The following PTPRD variants were observed in gnomAD, a reference collection of about 807,000 sequenced individuals.
PTPRD encodes receptor-type tyrosine-protein phosphatase delta.
In PTPRD, 34 loss-of-function variants were observed where a neutral mutation model predicts 214.5. That is an observed-to-expected ratio of 0.16 (90% CI 0.12 to 0.21). The LOEUF is 0.21. Among genes scored for constraint, PTPRD ranks in the 10% least tolerant of loss-of-function variants. PTPRD has a pLI of 1.00. For synonymous variants in PTPRD, 1,128 were observed against 845.7 expected, an observed-to-expected ratio of 1.33 and a Z score of -5.79; for missense variants, 2,545 against 2,398.7, an observed-to-expected ratio of 1.06 and a Z score of -1.27.
chr9:8,681,731 A>G (rs867676142), intron 12 of PTPRD, among the ~76,000 whole-genome samples: 4 of 152,334 alleles, frequency 2.6e-5, no homozygotes, highest in Middle Eastern at 3.4e-3. Flanking sequence ...TTTAAAGATG[A>G]CCTGAAAATT....
At chr9:10,407,362 A>C (rs2098380638) in intron 2 of PTPRD, among the ~76,000 whole-genome samples, 1 of 151,484 alleles carries the variant, frequency 6.6e-6, no homozygotes, top group African/African-American at 2.4e-5. Flanking sequence ...CTTTGCGAGA[A>C]TATCCTCGTT....
At chr9:9,395,126 CTCATCCAT>C (rs1221843846) in intron 9 of PTPRD, among the ~76,000 whole-genome samples, 1 of 151,638 alleles carries the variant, frequency 6.6e-6, no homozygotes, top group Non-Finnish European at 1.5e-5. Flanking sequence ...CCTTCCTCCC[CTCATCCAT>C]AGAGAGAAGA....
intron 8 of PTPRD, among the ~76,000 whole-genome samples, chr9:9,511,752 G>C (rs2096714527): frequency 6.6e-6 from 1 of 151,532 alleles, no homozygotes; most frequent in African/African-American, 2.4e-5. Context: ...TTATACTTTA[G>C]ATAATTGTAT....
At chr9:9,234,341 T>C (rs113926526) in intron 9 of PTPRD, among the ~76,000 whole-genome samples, 3,368 of 152,102 alleles carry the variant, frequency 0.022, 128 homozygotes, top group African/African-American at 0.078. Context: ...ATGCATAGAG[T>C]GGGCGGGCCC....
At chr9:9,149,075 G>C (rs1359330291) in intron 10 of PTPRD, among the ~76,000 whole-genome samples, 1 of 152,194 alleles carries the variant, frequency 6.6e-6, no homozygotes, top group Non-Finnish European at 1.5e-5. Flanking sequence ...TCTTGGAGTA[G>C]TTAAGAGTTC....
intron 11 of PTPRD, among the ~76,000 whole-genome samples, chr9:8,998,233 T>C (rs1260734784): frequency 6.6e-6 from 1 of 152,074 alleles, no homozygotes; most frequent in Non-Finnish European, 1.5e-5. Flanking sequence ...CTTTCAAAGC[T>C]AGAGAGAAGT....
intron 3 of PTPRD, among the ~76,000 whole-genome samples, chr9:10,144,375 C>A (rs2099008325): frequency 6.6e-6 from 1 of 152,024 alleles, no homozygotes. Context: ...GAATTGGTGA[C>A]ACTCAGGCGG....
intron 11 of PTPRD, chr9:8,797,255 C>A (rs1005629899): frequency 1.3e-5 from 2 of 152,092 alleles, no homozygotes; most frequent in Admixed American, 6.6e-5. Flanking sequence ...AATCCTAATA[C>A]GATTGCCTTA....
chr9:9,222,728 T>C lies in PTPRD; in HGVS notation c.-202-39365A>G, dbSNP rs571040967. ...CAAACTATTAGCATTAGGAGATCAC[T>C]GAAAATATCAATAGATGTTGTTTAC... On this transcript the variant is annotated intron_variant, in intron 9 of 45. Coordinates refer to ENST00000381196, the MANE Select transcript of PTPRD (RefSeq NM_002839.4). Among the ~76,000 whole-genome samples the C allele has an allele frequency of 6.6e-5, 10 of 152,164 alleles. No individual in the cohort carries two copies. In the South Asian group the frequency reaches 2.1e-3, roughly 31 times the overall value.
intron 2 of PTPRD, among the ~76,000 whole-genome samples, chr9:10,583,166 T>C (rs1165001613): frequency 6.6e-6 from 1 of 152,120 alleles, no homozygotes; most frequent in Non-Finnish European, 1.5e-5. Flanking sequence ...TTGTTAAGTA[T>C]CCCAATGCAG....
At chr9:8,563,351 C>A (rs967316338) in intron 14 of PTPRD, among the ~76,000 whole-genome samples, 5 of 151,276 alleles carry the variant, frequency 3.3e-5, no homozygotes, top group Middle Eastern at 3.4e-3. Context: ...GATCACATAT[C>A]AATTGTATCT....
chr9:8,741,566 C>CTTTTTTTT lies in PTPRD; in HGVS notation c.-103-7628_-103-7621dup, dbSNP rs66547770. On this transcript the variant is annotated intron_variant, in intron 11 of 45. Coordinates refer to ENST00000381196, the MANE Select transcript of PTPRD (RefSeq NM_002839.4). ...TCTATTATTTTAATCTCAGGCATTT[C>CTTTTTTTT]TTTTTTTTTTTTTTTTTTTTTTTTT... Among the ~76,000 whole-genome samples the CTTTTTTTT allele has an allele frequency of 3.4e-3, 242 of 70,618 alleles. 14 individuals carry two copies. The highest frequency in any genetic ancestry group is 4.1e-3 in the African/African-American group (68 of 16,512). 46.3% of individuals were successfully genotyped at this position (70,618 alleles called of 152,430 possible). A position where few individuals can be genotyped will look rare whatever the true frequency, so the allele number is the denominator to read the frequency against.
intron 2 of PTPRD, among the ~76,000 whole-genome samples, chr9:10,514,333 T>C (rs1448701743): frequency 6.6e-6 from 1 of 151,764 alleles, no homozygotes; most frequent in Admixed American, 6.6e-5. Context: ...AGAATTACAA[T>C]TACATTTAGA....
rs28645309 is a variant in PTPRD, at chr9:9,440,148, G to T, written c.-236-42666C>A. 7.7e-4 allele frequency among the ~76,000 whole-genome samples: 118 copies of T among 152,260 alleles called. 1 individual carries two copies. The highest frequency in any genetic ancestry group is 2.3e-3 in the African/African-American group (96 of 41,558). On this transcript the variant is annotated intron_variant, in intron 8 of 45. Coordinates refer to ENST00000381196, the MANE Select transcript of PTPRD (RefSeq NM_002839.4). ...ATATATAAGCATTAGATAAGAATCAGAAGTCCAATCTCATGGAGGATAGAA... is the reference window on the plus strand; with the variant it reads ...ATATATAAGCATTAGATAAGAATCATAAGTCCAATCTCATGGAGGATAGAA...
intron 8 of PTPRD, among the ~76,000 whole-genome samples, chr9:9,466,480 G>C (rs2094165138): frequency 6.6e-6 from 1 of 152,124 alleles, no homozygotes; most frequent in East Asian, 1.9e-4. Flanking sequence ...AAGTGCATTA[G>C]AAAGTTTACA....
chr9:8,420,211 T>C (rs1451191015), intron 35 of PTPRD, among the ~76,000 whole-genome samples: 4 of 152,122 alleles, frequency 2.6e-5, no homozygotes, highest in Non-Finnish European at 5.9e-5. Flanking sequence ...GCAAAATTTA[T>C]GCATCATTTA....
At chr9:9,473,894 T>G (rs1034349349) in intron 8 of PTPRD, among the ~76,000 whole-genome samples, 5 of 152,040 alleles carry the variant, frequency 3.3e-5, no homozygotes, top group Admixed American at 6.5e-5. Flanking sequence ...ATGGGTAGTT[T>G]GCAATATTTT....
At chr9:8,877,321 A>T (rs1052460679) in intron 11 of PTPRD, among the ~76,000 whole-genome samples, 1 of 152,206 alleles carries the variant, frequency 6.6e-6, no homozygotes, top group Admixed American at 6.5e-5. Context: ...ACCCAGGGTA[A>T]TGTCTATGTC....
chr9:8,715,540 T>C (rs1056172134), intron 12 of PTPRD, among the ~76,000 whole-genome samples: 1 of 152,128 alleles, frequency 6.6e-6, no homozygotes, highest in Non-Finnish European at 1.5e-5. Flanking sequence ...AATAGCAAAA[T>C]ACAGGATTTG....
Sources: allele counts gnomAD v4.1 joint callset (sites outside exome capture counted in the v4.1 genomes callset), GRCh38; gene constraint gnomAD v4.1.1; transcripts MANE v1.5; gene names NCBI Gene and HGNC (gene_info 2026-07-23, HGNC 2026-07-21).